The following SCAPER variants were observed in gnomAD, a reference collection of about 807,000 sequenced individuals.
SCAPER encodes the protein S phase cyclin A-associated protein in the endoplasmic reticulum.
In SCAPER, 98 loss-of-function variants were observed where a neutral mutation model predicts 182.2. That is an observed-to-expected ratio of 0.54 (90% CI 0.46 to 0.64). The LOEUF (loss-of-function observed/expected upper bound fraction) is 0.64, where lower values mean the gene tolerates loss of function less well. SCAPER is among the 30% of genes least tolerant of loss of function. SCAPER has a pLI of 0.00. For missense variants in SCAPER, 1,432 were observed against 1,690.0 expected (o/e 0.85, Z 2.68); for synonymous variants, 605 against 564.6 (o/e 1.07, Z -1.01).
At chr15:76,792,959 G>C (rs935777085) in intron 8 of SCAPER, among the ~76,000 whole-genome samples, 2 of 152,196 alleles carry the variant, frequency 1.3e-5, no homozygotes, top group Admixed American at 6.5e-5. Flanking sequence ...TTTAGCACAG[G>C]ATTCAGCTAG....
chr15:76,656,967 C>G (rs896103623), intron 21 of SCAPER, among the ~76,000 whole-genome samples: 4 of 152,000 alleles, frequency 2.6e-5, no homozygotes, highest in Admixed American at 2.0e-4. Flanking sequence ...AAATTAACAG[C>G]CTAACATCAC....
chr15:76,456,624 T>C (rs1337697232), intron 25 of SCAPER, among the ~76,000 whole-genome samples: 1 of 152,236 alleles, frequency 6.6e-6, no homozygotes, highest in Non-Finnish European at 1.5e-5. Context: ...GATAATGGTA[T>C]TGTTCATATC....
chr15:76,656,567 A>C (rs921830749), intron 21 of SCAPER, among the ~76,000 whole-genome samples: 1 of 151,972 alleles, frequency 6.6e-6, no homozygotes, highest in Admixed American at 6.6e-5. Flanking sequence ...TATCTAGAGA[A>C]CTCTCCACCC....
chr15:76,718,629 AG>A lies in SCAPER; in HGVS notation c.2165+9965del, dbSNP rs199769083. 3.0e-3 allele frequency among the ~76,000 whole-genome samples: 462 copies of A among 152,066 alleles called. 8 individuals are homozygous for A. In the East Asian group the frequency reaches 0.035, roughly 11 times the overall value. On this transcript the variant is annotated intron_variant, in intron 17 of 31. Transcript: ENST00000563290. The stretch of plus-strand genomic sequence containing the variant: ...TCACTCCAGCCTGGACAAGAGAACA[AG>A]ATTCTGTCTCAAAAAGGAAAAAAAA...
intron 25 of SCAPER, among the ~76,000 whole-genome samples, chr15:76,436,486 T>C (rs1795921356): frequency 6.6e-6 from 1 of 152,192 alleles, no homozygotes; most frequent in South Asian, 2.1e-4. Context: ...TCTGGTCCTA[T>C]TACTTTTTTT....
intron 23 of SCAPER, among the ~76,000 whole-genome samples, chr15:76,529,699 G>A (rs750652374): frequency 1.3e-5 from 2 of 152,252 alleles, no homozygotes; most frequent in Non-Finnish European, 2.9e-5. Flanking sequence ...AGTGCCAAGA[G>A]CCTAAGGCAG....
intron 15 of SCAPER, among the ~76,000 whole-genome samples, chr15:76,746,960 TCC>T (rs2061826864): frequency 6.6e-6 from 1 of 152,164 alleles, no homozygotes; most frequent in South Asian, 2.1e-4. Flanking sequence ...AGATATGTAA[TCC>T]CTAACAAAAC....
chr15:76,728,488 G>T, intron 17 of SCAPER, 107 bp downstream of exon 17: 1 of 1,453,324 alleles, frequency 6.9e-7, no homozygotes, highest in Non-Finnish European at 9.4e-7. Context: ...GGGGAACATC[G>T]CAAAACCTCA....
intron 27 of SCAPER, among the ~76,000 whole-genome samples, chr15:76,398,463 T>C (rs2044235651): frequency 6.6e-6 from 1 of 152,230 alleles, no homozygotes; most frequent in African/African-American, 2.4e-5. Flanking sequence ...GCACAGGGCC[T>C]GGCACAGAGC....
intron 28 of SCAPER, chr15:76,380,648 T>C (rs1454200856): frequency 2.0e-5 from 3 of 152,188 alleles, no homozygotes; most frequent in Non-Finnish European, 4.4e-5. Context: ...ACTTGACAGT[T>C]AATAAACTGA....
intron 29 of SCAPER, among the ~76,000 whole-genome samples, chr15:76,364,692 G>A (rs2041689502): frequency 6.6e-6 from 1 of 152,196 alleles, no homozygotes; most frequent in African/African-American, 2.4e-5. Context: ...CAGAACCAGG[G>A]ATGCTTGTTT....
chr15:76,353,511 G>T (rs542342455), intron 30 of SCAPER, among the ~76,000 whole-genome samples: 104 of 151,528 alleles, frequency 6.9e-4, no homozygotes, highest in African/African-American at 2.5e-3. Flanking sequence ...CAATATAACA[G>T]GTTTTTATTT....
chr15:76,379,698 CTTTT>C (rs1007893206), intron 28 of SCAPER: 1 of 147,706 alleles, frequency 6.8e-6, no homozygotes, highest in Non-Finnish European at 1.5e-5. Context: ...TTTTCTTTTC[CTTTT>C]TTTTTTCTTT....
At chr15:76,599,125 C>A (rs1345283372) in intron 22 of SCAPER, among the ~76,000 whole-genome samples, 1 of 119,522 alleles carries the variant, frequency 8.4e-6, no homozygotes, top group African/African-American at 2.5e-5. Flanking sequence ...TAGACACTTG[C>A]CATAAGAAGA....
At chr15:76,687,478 C>T (rs917918833) in intron 20 of SCAPER, among the ~76,000 whole-genome samples, 2 of 152,160 alleles carry the variant, frequency 1.3e-5, no homozygotes, top group African/African-American at 4.8e-5. Flanking sequence ...GTTTGGGGTA[C>T]ATATGCAGAA....
At chr15:76,727,987 A>T (rs975166724) in intron 17 of SCAPER, among the ~76,000 whole-genome samples, 3 of 152,140 alleles carry the variant, frequency 2.0e-5, no homozygotes, top group African/African-American at 7.2e-5. Flanking sequence ...GTAGAAAAGC[A>T]AATTAAAACC....
At chr15:76,746,383 C>T (rs1277915162) in intron 15 of SCAPER, among the ~76,000 whole-genome samples, 1 of 152,130 alleles carries the variant, frequency 6.6e-6, no homozygotes, top group African/African-American at 2.4e-5. Flanking sequence ...CCACAGATAC[C>T]AAGGCTCAAC....
intron 4 of SCAPER, 43 bp from the exon 5 acceptor site, chr15:76,841,974 G>T (rs749037862): frequency 9.2e-6 from 14 of 1,528,598 alleles, no homozygotes; most frequent in Non-Finnish European, 7.1e-6. Flanking sequence ...AAATAAAAGG[G>T]CTTCCAGGGA....
chr15:76,648,053 A>C (rs1192594810), intron 21 of SCAPER, among the ~76,000 whole-genome samples: 2 of 152,220 alleles, frequency 1.3e-5, no homozygotes, highest in African/African-American at 4.8e-5. Flanking sequence ...ATATGAAAAA[A>C]ATAAAATACT....
Sources: allele counts gnomAD v4.1 joint callset (sites outside exome capture counted in the v4.1 genomes callset), GRCh38; gene constraint gnomAD v4.1.1; transcripts MANE v1.5; gene names NCBI Gene and HGNC (gene_info 2026-07-23, HGNC 2026-07-21).